The following MAP3K21 variants were observed in gnomAD, a reference collection of about 807,000 sequenced individuals.
The protein encoded by MAP3K21 is mitogen-activated protein kinase kinase kinase MLK4.
A neutral mutation model predicts 86.1 loss-of-function variants in MAP3K21; 63 were observed. That is an observed-to-expected ratio of 0.73 (90% confidence interval 0.60 to 0.90). The LOEUF is 0.90. MAP3K21 is among the 40% of genes least tolerant of loss of function. The pLI is 0.00. For synonymous variants in MAP3K21, 558 were observed against 564.8 expected (o/e 0.99, Z 0.17); for missense variants, 1,220 against 1,367.7 (o/e 0.89, Z 1.70).
chr1:233,345,761 TAAA>T (rs1403891794), intron 1 of MAP3K21, among the ~76,000 whole-genome samples: 1 of 147,040 alleles, frequency 6.8e-6, no homozygotes, highest in Non-Finnish European at 1.5e-5. Flanking sequence ...ATAATAATAA[TAAA>T]AGCACATTTG....
chr1:233,352,652 T>C (rs1261785694), intron 2 of MAP3K21, among the ~76,000 whole-genome samples: 4 of 152,072 alleles, frequency 2.6e-5, no homozygotes. Flanking sequence ...GCTGGTCTTG[T>C]ACTTCTGACC....
intron 1 of MAP3K21, among the ~76,000 whole-genome samples, chr1:233,341,902 C>A (rs1269976307): frequency 6.6e-6 from 1 of 151,188 alleles, no homozygotes; most frequent in African/African-American, 2.4e-5. Context: ...AATTTGGGGT[C>A]TTTTGGTGAT....
rs186016954 is a variant in MAP3K21 at position 233,349,810 on chromosome 1, G to A, written c.986+3188G>A. 1.6e-3 allele frequency among the ~76,000 whole-genome samples: 242 copies of A among 152,078 alleles called. 1 individual carries two copies. Among genetic ancestry groups the A allele is most frequent in the African/African-American group, 4.9e-3 (203 of 41,486 alleles). On this transcript the variant is annotated intron_variant, in intron 2 of 9. Transcript: ENST00000366624. Reference sequence around the variant, plus strand: ...AAATTAGCTGGGTGTGGTGGTGCACGCCTGTAGTCCCAGCTACTTGGGAGG... The same window carrying A: ...AAATTAGCTGGGTGTGGTGGTGCACACCTGTAGTCCCAGCTACTTGGGAGG...
Position 233,365,002 on chromosome 1 carries a change from A to G in MAP3K21, c.1552+2709A>G, listed in dbSNP as rs192261114. 4.2e-4 allele frequency among the ~76,000 whole-genome samples: 64 copies of G among 152,322 alleles called. No homozygotes were observed. The East Asian group carries it at 5.4e-3, about 13-fold the overall frequency. On this transcript the variant is annotated intron_variant, in intron 5 of 9. Coordinates refer to ENST00000366624, the MANE Select transcript of MAP3K21 (RefSeq NM_032435.3). ...CACACATGCACGCATATTTACTTGT[A>G]CAATATCCTAGAATGGGACAGACAT...
intron 1 of MAP3K21, among the ~76,000 whole-genome samples, chr1:233,335,274 T>C (rs921232605): frequency 1.3e-5 from 2 of 152,148 alleles, no homozygotes; most frequent in African/African-American, 4.8e-5. Context: ...ATTTGTACAG[T>C]TGACCCCTTG....
intron 1 of MAP3K21, among the ~76,000 whole-genome samples, chr1:233,330,870 C>T (rs574184684): frequency 6.6e-6 from 1 of 152,140 alleles, no homozygotes; most frequent in Non-Finnish European, 1.5e-5. Flanking sequence ...TTATCCATTC[C>T]TATGGGTTAA....
At position 233,376,016 on chromosome 1, in the gene MAP3K21, C is replaced by T. The variant is rs1226136472; in HGVS notation, c.1776C>T (p.Thr592=). The T allele has an allele frequency of 1.9e-6, 3 of 1,608,928 alleles. No individual in the cohort carries two copies. In the Admixed American group the frequency reaches 5.1e-5, roughly 27 times the overall value. ...VKRNFKKKGC[T]WGPNSIQMKD... ...GGAATTTTAAGAAAAAAGGTTGTAC[C>T]TGGGGACCAAATTCCATTCAAATGA... Residue 592 remains threonine (T), a synonymous_variant, in exon 7 of 10, where the codon ACC becomes ACT. Coordinates refer to ENST00000366624, the MANE Select transcript of MAP3K21 (RefSeq NM_032435.3).
rs1663146323 is a variant in MAP3K21, at chr1:233,346,607, G to C, written c.971G>C (p.Gly324Ala). 1 of 1,613,176 alleles carries C rather than the reference G, an allele frequency of 6.2e-7. No individual in the cohort carries two copies. The highest frequency in any genetic ancestry group is 1.3e-5 in the African/African-American group (1 of 74,892). ...ATCAAGTCTTCCTTGTTTTCTAAGG[G>C]AAGCGACATCTGGAGGTGAGCCTTT... ...EVIKSSLFSK[G>A]SDIWSYGVLL... Residue 324 changes from glycine to alanine, a missense_variant, in exon 2 of 10, where the codon GGA becomes GCA. Physicochemically the swap from Gly to Ala is moderately conservative, Grantham distance 60 (BLOSUM62 0). This residue lies in a region of MAP3K21 where 89 missense variants were observed against 144.8 expected (regional missense o/e 0.61). Coordinates refer to ENST00000366624, the MANE Select transcript of MAP3K21 (RefSeq NM_032435.3).
At chr1:233,361,990 A>G (rs1663474135) in intron 4 of MAP3K21, 63 bp from the exon 5 acceptor site, 1 of 1,572,566 alleles carries the variant, frequency 6.4e-7, no homozygotes, top group South Asian at 1.2e-5. Flanking sequence ...AGTGTAGTGT[A>G]ATAGACGGAA....
chr1:233,334,140 C>T (rs1431125669), intron 1 of MAP3K21, among the ~76,000 whole-genome samples: 1 of 148,916 alleles, frequency 6.7e-6, no homozygotes, highest in Non-Finnish European at 1.5e-5. Context: ...ACTGGGATTA[C>T]AGGTGTGAGC....
chr1:233,332,611 C>T (rs1312380829), intron 1 of MAP3K21, among the ~76,000 whole-genome samples: 1 of 152,064 alleles, frequency 6.6e-6, no homozygotes, highest in Non-Finnish European at 1.5e-5. Flanking sequence ...AGAGGAGGCA[C>T]CGACTCTGCC....
Position 233,353,562 on chromosome 1 carries a change from A to T in MAP3K21, c.987-245A>T, listed in dbSNP as rs6424180. On this transcript the variant is annotated intron_variant, in intron 2 of 9. Transcript: ENST00000366624. ...TACTCTTACGCTTTCCTATTCATGA[A>T]GTAGTTTTAATTCCTAGAATGAATG... Among the ~76,000 whole-genome samples, 67,019 of 151,970 alleles carry T rather than the reference A, an allele frequency of 0.44. 15,201 individuals carry two copies. Among genetic ancestry groups the T allele is most frequent in the Admixed American group, 0.55 (8,476 of 15,274 alleles).
At chr1:233,381,857 G>A (rs1294239) in intron 9 of MAP3K21, among the ~76,000 whole-genome samples, 8,763 of 152,228 alleles carry the variant, frequency 0.058, 309 homozygotes, top group African/African-American at 0.083. Flanking sequence ...AATCTACAGT[G>A]AAGTTTAATC....
At chr1:233,351,696 CAA>C (rs10710526) in intron 2 of MAP3K21, among the ~76,000 whole-genome samples, 1,559 of 117,074 alleles carry the variant, frequency 0.013, 31 homozygotes, top group African/African-American at 0.042. Flanking sequence ...GATTCCATCT[CAA>C]AAAAAAAAAA....
chr1:233,346,733 T>C, intron 2 of MAP3K21, 111 bp downstream of exon 2: 1 of 895,994 alleles, frequency 1.1e-6, no homozygotes, highest in Non-Finnish European at 1.7e-6. Context: ...CCTTTTTGAA[T>C]GAATTTTTAT....
rs1005544607 is a variant in MAP3K21, at chr1:233,378,964, G to C, written c.1958G>C (p.Gly653Ala). 2 of 1,613,614 alleles carry C rather than the reference G, an allele frequency of 1.2e-6. No individual in the cohort carries two copies. Among genetic ancestry groups the C allele is most frequent in the African/African-American group, 2.7e-5 (2 of 74,838 alleles). The change falls in exon 9 of 10, where the codon GGA (glycine) becomes GCA (alanine). Residue 653 changes from glycine to alanine, a missense_variant. Gly to Ala is a moderately conservative substitution (Grantham distance 60). This residue lies in a region of MAP3K21 where 632 missense variants were observed against 691.3 expected (regional missense o/e 0.91). Coordinates refer to ENST00000366624, the MANE Select transcript of MAP3K21 (RefSeq NM_032435.3). ...SCEEPKLSPDGLEHRKPKQIK... is the reference protein window; with the variant it reads ...SCEEPKLSPDALEHRKPKQIK... ...GAAGAGCCAAAACTTTCCCCTGATG[G>C]ATTAGAACACAGAAAACCAAAACAA...
In MAP3K21 at chr1:233,384,341, A is replaced by G. The variant is rs2102771726; in HGVS notation, c.*1630A>G. ...TATGAAAGGATTGTATTAACATGGT[A>G]AGTTTTGCCCTAAGGAAAACGATCT... On this transcript the variant is annotated 3_prime_UTR_variant, in exon 10 of 10. Coordinates refer to ENST00000366624, the MANE Select transcript of MAP3K21 (RefSeq NM_032435.3). 1 of 152,346 alleles carries G rather than the reference A, an allele frequency of 6.6e-6. No individual in the cohort carries two copies. Among genetic ancestry groups the G allele is most frequent in the South Asian group, 2.1e-4 (1 of 4,834 alleles). 9.4% of individuals were successfully genotyped at this position (152,346 alleles called of 1,614,324 possible).
chr1:233,381,550 A>T lies in MAP3K21; in HGVS notation c.2705-755A>T, dbSNP rs1035093123. ...TTTCATCCTTTTTATCTTTTCCTTT[A>T]CTTCTTTTTAAATATTATATCTGGA... On this transcript the variant is annotated intron_variant, in intron 9 of 9. Transcript: ENST00000366624. 3.3e-5 allele frequency among the ~76,000 whole-genome samples: 5 copies of T among 151,942 alleles called. No homozygotes were observed. The East Asian group carries it at 9.6e-4, about 29-fold the overall frequency.
chr1:233,376,592 T>G, intron 8 of MAP3K21, 65 bp downstream of exon 8: 1 of 1,169,282 alleles, frequency 8.6e-7, no homozygotes, highest in Non-Finnish European at 1.3e-6. Flanking sequence ...TGCTGAAGCT[T>G]TGCTTTTACA....
Sources: gnomAD v4.1 joint callset for allele counts (sites outside exome capture counted in the v4.1 genomes callset) on GRCh38, gnomAD v4.1.1 for gene constraint, gnomAD v4.1.1 regional missense constraint, MANE v1.5 for transcripts, NCBI Gene and HGNC (gene_info 2026-07-23, HGNC 2026-07-21) for gene names.